SOX6: variants seen among roughly 807,000 people sequenced by gnomAD.
SOX6 encodes the protein SRY-box transcription factor 6, also known as transcription factor SOX-6.
SOX6 carries 11 observed loss-of-function variants against 97.8 expected under a neutral mutation model. The ratio of observed to expected loss-of-function variants is 0.11; its 90% CI spans 0.07 to 0.19. The LOEUF (loss-of-function observed/expected upper bound fraction) is 0.19. Ranked by LOEUF, SOX6 falls within the 10% of genes least tolerant of loss-of-function variation. SOX6 has a pLI of 1.00. For missense variants in SOX6, 810 were observed against 1,039.5 expected, an observed-to-expected ratio of 0.78 and a Z score of 3.04; for synonymous variants, 360 against 371.4, an observed-to-expected ratio of 0.97 and a Z score of 0.35.
At chr11:16,204,638 C>T (rs1424935577) in intron 4 of SOX6, among the ~76,000 whole-genome samples, 6 of 152,002 alleles carry the variant, frequency 3.9e-5, no homozygotes, top group Non-Finnish European at 4.4e-5. Context: ...TATTTCTGAC[C>T]CCTGGTTCAA....
At chr11:16,606,977 C>T (rs1848341428) in intron 4 of SOX6, among the ~76,000 whole-genome samples, 1 of 152,132 alleles carries the variant, frequency 6.6e-6, no homozygotes, top group African/African-American at 2.4e-5. Context: ...TCCCTCCACT[C>T]CCCCTCCGCG....
At chr11:16,266,334 T>C (rs777428760) in intron 3 of SOX6, among the ~76,000 whole-genome samples, 8 of 151,478 alleles carry the variant, frequency 5.3e-5, no homozygotes, top group Non-Finnish European at 1.2e-4. Flanking sequence ...AGCAAAAATA[T>C]CTTTCAAACA....
intron 9 of SOX6, among the ~76,000 whole-genome samples, chr11:16,064,431 A>G (rs983031298): frequency 6.6e-6 from 1 of 151,572 alleles, no homozygotes; most frequent in African/African-American, 2.4e-5. Flanking sequence ...CCCCGGAAAG[A>G]AAGAAATAAA....
At chr11:16,048,343 A>C (rs974344342) in intron 11 of SOX6, among the ~76,000 whole-genome samples, 1 of 152,204 alleles carries the variant, frequency 6.6e-6, no homozygotes, top group African/African-American at 2.4e-5. Flanking sequence ...TCAAAATGAG[A>C]ATATGCTCCT....
intron 3 of SOX6, among the ~76,000 whole-genome samples, chr11:16,237,907 T>A (rs1483468258): frequency 1.3e-5 from 2 of 151,936 alleles, no homozygotes; most frequent in Non-Finnish European, 2.9e-5. Flanking sequence ...ATATGCTTTT[T>A]GGAAATGGAA....
At chr11:16,491,090 C>A (rs1017964389) in intron 4 of SOX6, among the ~76,000 whole-genome samples, 2 of 151,892 alleles carry the variant, frequency 1.3e-5, no homozygotes, top group Non-Finnish European at 2.9e-5. Flanking sequence ...AAGAAGAAAT[C>A]AAATTGTCAG....
chr11:16,275,548 T>C (rs1854376386), intron 3 of SOX6, among the ~76,000 whole-genome samples: 1 of 152,202 alleles, frequency 6.6e-6, no homozygotes, highest in Non-Finnish European at 1.5e-5. Flanking sequence ...TTATTGTGAA[T>C]TATTTTAATC....
rs112149194 is a variant in SOX6 at position 15,978,505 on chromosome 11, C to CTTAT, written c.2184-5394_2184-5393insATAA. ...GATGCCACACCCTCCTGGTCTTCTT[C>CTTAT]CTAATTGGCTGCTCCTTCTAAGTTC... On this transcript the variant is annotated intron_variant, in intron 15 of 15. Transcript: ENST00000683767. 1.7e-3 allele frequency among the ~76,000 whole-genome samples: 262 copies of CTTAT among 150,796 alleles called. 1 individual carries two copies. Among genetic ancestry groups the CTTAT allele is most frequent in the African/African-American group, 5.3e-3 (217 of 41,076 alleles).
At chr11:16,052,606 T>C (rs1218578027) in intron 10 of SOX6, among the ~76,000 whole-genome samples, 1 of 152,216 alleles carries the variant, frequency 6.6e-6, no homozygotes, top group Non-Finnish European at 1.5e-5. Flanking sequence ...TTTCTCATTA[T>C]TCATATATTT....
chr11:16,522,446 C>T (rs900606546), intron 4 of SOX6, among the ~76,000 whole-genome samples: 2 of 152,020 alleles, frequency 1.3e-5, no homozygotes, highest in Non-Finnish European at 2.9e-5. Context: ...ATTTTGTCAT[C>T]ACCAGGCCTG....
At chr11:16,448,866 T>C (rs1859662264) in intron 1 of SOX6, among the ~76,000 whole-genome samples, 1 of 152,026 alleles carries the variant, frequency 6.6e-6, no homozygotes, top group South Asian at 2.1e-4. Flanking sequence ...ATCCTGTCTT[T>C]ACAAAAAACA....
chr11:16,178,684 AT>A (rs970913073), intron 6 of SOX6, among the ~76,000 whole-genome samples: 1 of 151,940 alleles, frequency 6.6e-6, no homozygotes, highest in Non-Finnish European at 1.5e-5. Context: ...CAATAGGTTT[AT>A]TTAGTCCTTT....
intron 3 of SOX6, among the ~76,000 whole-genome samples, chr11:16,672,772 A>G (rs1228855304): frequency 6.6e-6 from 1 of 152,122 alleles, no homozygotes; most frequent in Non-Finnish European, 1.5e-5. Flanking sequence ...CCTTCAAGAG[A>G]CCCATCTCAC....
chr11:16,438,581 C>T (rs577465319), intron 1 of SOX6, among the ~76,000 whole-genome samples: 188 of 152,072 alleles, frequency 1.2e-3, no homozygotes, highest in African/African-American at 4.5e-3. Context: ...AGGAAATCTT[C>T]AAGTCTTTCT....
chr11:16,721,617 C>CT, intron 2 of SOX6, among the ~76,000 whole-genome samples: 2 of 66,038 alleles, frequency 3.0e-5, no homozygotes, highest in African/African-American at 1.2e-4. Flanking sequence ...CTCCCTCCCT[C>CT]CCTCTCTCTC....
intron 1 of SOX6, among the ~76,000 whole-genome samples, chr11:16,409,571 C>T (rs991003727): frequency 1.3e-5 from 2 of 152,112 alleles, no homozygotes; most frequent in East Asian, 3.9e-4. Flanking sequence ...AACACAGTTA[C>T]AAATATCCTT....
chr11:16,525,842 C>T (rs1590233628), intron 4 of SOX6, among the ~76,000 whole-genome samples: 2 of 152,152 alleles, frequency 1.3e-5, no homozygotes, highest in Non-Finnish European at 2.9e-5. Context: ...AGACACTTCT[C>T]AAAAGAAGAC....
At chr11:16,705,156 C>T (rs1564873138) in intron 3 of SOX6, among the ~76,000 whole-genome samples, 1 of 151,740 alleles carries the variant, frequency 6.6e-6, no homozygotes, top group Non-Finnish European at 1.5e-5. Flanking sequence ...TACTCGGAAG[C>T]CTGAGGCAGG....
At chr11:15,974,699 C>A (rs1206497555) in intron 15 of SOX6, among the ~76,000 whole-genome samples, 2 of 152,170 alleles carry the variant, frequency 1.3e-5, no homozygotes, top group East Asian at 3.9e-4. Flanking sequence ...GACCTCCATG[C>A]CCTCCAGCCT....
Sources: allele counts gnomAD v4.1 joint callset (sites outside exome capture counted in the v4.1 genomes callset), GRCh38; gene constraint gnomAD v4.1.1; transcripts MANE v1.5; gene names NCBI Gene and HGNC (gene_info 2026-07-23, HGNC 2026-07-21).